DNAH17: variants seen among roughly 807,000 people sequenced by gnomAD.
The protein encoded by DNAH17 is axonemal beta dynein heavy chain 17.
In DNAH17, 376 loss-of-function variants were observed where a neutral mutation model predicts 485.6. The ratio of observed to expected loss-of-function variants is 0.77; its 90% CI spans 0.71 to 0.84. The LOEUF is 0.84. Among genes scored for constraint, DNAH17 ranks in the 40% least tolerant of loss-of-function variants. The pLI is 0.00. For missense variants in DNAH17, 6,370 were observed against 5,839.3 expected (o/e 1.09, Z -2.96); for synonymous variants, 3,031 against 2,405.9 (o/e 1.26, Z -7.60).
chr17:78,528,718 T>C (rs1257661467), intron 22 of DNAH17, among the ~76,000 whole-genome samples: 1 of 151,920 alleles, frequency 6.6e-6, no homozygotes, highest in African/African-American at 2.4e-5. Context: ...ACCCTCTCCA[T>C]CCTCCCACCC....
In DNAH17 at chr17:78,494,352, C is replaced by T. The variant is rs145268938; in HGVS notation, c.6271-179G>A. Among the ~76,000 whole-genome samples the T allele has an allele frequency of 6.0e-3, 886 of 147,620 alleles. 11 individuals are homozygous for T. The highest frequency in any genetic ancestry group is 0.021 in the African/African-American group (829 of 39,204). ...GAGAGTTGACATAGCTCCACCGCGA[C>T]CTCATGCAGGGGGTCGGTTTGCCTG... On this transcript the variant is annotated intron_variant, in intron 40 of 80. Transcript: ENST00000389840.
chr17:78,498,398 A>T (rs533745390), intron 37 of DNAH17, among the ~76,000 whole-genome samples: 8 of 152,062 alleles, frequency 5.3e-5, no homozygotes, highest in Non-Finnish European at 1.0e-4. Flanking sequence ...GTGCTTCTCA[A>T]CCCCCAGCAT....
At position 78,459,999 on chromosome 17, in the gene DNAH17, G is replaced by C; in HGVS notation, c.9438C>G (p.Asn3146Lys). Residue 3146 changes from asparagine to lysine, a missense_variant and splice_region_variant, in exon 60 of 81, where the codon AAC becomes AAG. Coordinates refer to ENST00000389840, the MANE Select transcript of DNAH17 (RefSeq NM_173628.4). ...AQEALDTLNK[N>K]NLTELKSFGS... is the part of the protein sequence containing the mutation. ...CAAAGGACTTCAGCTCTGTCAGGTT[G>C]TTCTGCAAATGACAGACGGGATGGG... 1 of 1,612,692 alleles carries C rather than the reference G, an allele frequency of 6.2e-7. No homozygotes were observed. Among genetic ancestry groups the C allele is most frequent in the Non-Finnish European group, 8.5e-7 (1 of 1,179,896 alleles).
chr17:78,514,760 A>G lies in DNAH17; in HGVS notation c.4113+14T>C. On this transcript the variant is annotated intron_variant, in intron 26 of 80. Coordinates refer to ENST00000389840, the MANE Select transcript of DNAH17 (RefSeq NM_173628.4). ...CCAGGGGCGGTCCCCTCCGCCCACC[A>G]TGGTGCATGGTACCTGGGTGGCCTG... 3 of 1,612,266 alleles carry G rather than the reference A, an allele frequency of 1.9e-6. No individual in the cohort carries two copies. The highest frequency in any genetic ancestry group is 2.5e-6 in the Non-Finnish European group (3 of 1,178,820).
chr17:78,510,353 T>A (rs761855277), intron 27 of DNAH17, 31 bp downstream of exon 27: 1 of 1,608,638 alleles, frequency 6.2e-7, no homozygotes, highest in Non-Finnish European at 8.5e-7. Context: ...TGATCCCACG[T>A]TGCACAGACA....
rs116421478 is a variant in DNAH17 at position 78,555,757 on chromosome 17, G to A, written c.2178+2351C>T. On this transcript the variant is annotated intron_variant, in intron 14 of 80. Coordinates refer to ENST00000389840, the MANE Select transcript of DNAH17 (RefSeq NM_173628.4). ...TTCTGGATGAGATAAGCATTGGAAT[G>A]GGTGGGCTCAGGAAAGCAGATAGCC... Among the ~76,000 whole-genome samples, 911 of 152,278 alleles carry A rather than the reference G, an allele frequency of 6.0e-3. 11 individuals carry two copies. The highest frequency in any genetic ancestry group is 0.021 in the African/African-American group (856 of 41,542).
intron 69 of DNAH17, 115 bp downstream of exon 69, chr17:78,449,299 T>G: frequency 1.8e-6 from 2 of 1,127,434 alleles, no homozygotes; most frequent in Non-Finnish European, 1.3e-6. Flanking sequence ...AATGCGGGTT[T>G]GAAATCACCA....
chr17:78,444,219 C>T (rs980134907), intron 71 of DNAH17, among the ~76,000 whole-genome samples: 11 of 152,206 alleles, frequency 7.2e-5, no homozygotes, highest in Non-Finnish European at 5.9e-5. Flanking sequence ...TGCTTATTCA[C>T]GTCCACACTT....
chr17:78,475,211 G>T, intron 54 of DNAH17, 67 bp downstream of exon 54: 1 of 1,545,382 alleles, frequency 6.5e-7, no homozygotes, highest in Non-Finnish European at 8.8e-7. Context: ...TTGGAAAAGG[G>T]AGTGAAGTTT....
intron 41 of DNAH17, 40 bp downstream of exon 41, chr17:78,493,996 A>G (rs534190923): frequency 1.3e-6 from 2 of 1,588,868 alleles, no homozygotes; most frequent in Non-Finnish European, 1.7e-6. Context: ...CTCCCCCACC[A>G]TGCCGGATCC....
Position 78,475,742 on chromosome 17 carries a change from T to A in DNAH17, c.8246A>T (p.Asp2749Val). 3 of 1,613,886 alleles carry A rather than the reference T, an allele frequency of 1.9e-6. No individual in the cohort carries two copies. The highest frequency in any genetic ancestry group is 2.5e-6 in the Non-Finnish European group (3 of 1,179,830). ...GAGGAGCTTGTTCAGAGGAGCCATGTCGGTTACAGGAACATATTTGGGATC... is the reference window on the plus strand; with the variant it reads ...GAGGAGCTTGTTCAGAGGAGCCATGACGGTTACAGGAACATATTTGGGATC... Reference protein sequence around the residue: ...IGDPKYVPVTDMAPLNKLLVD... With the variant: ...IGDPKYVPVTVMAPLNKLLVD... The change falls in exon 53 of 81, where the codon GAC becomes GTC. Residue 2749 changes from aspartate to valine, a missense_variant. Transcript: ENST00000389840.
At position 78,490,824 on chromosome 17, in the gene DNAH17, C is replaced by A; in HGVS notation, c.6693G>T (p.Glu2231Asp). The A allele has an allele frequency of 6.2e-7, 1 of 1,602,708 alleles. No homozygotes were observed. The highest frequency in any genetic ancestry group is 1.7e-5 in the Admixed American group (1 of 58,426). The change falls in exon 44 of 81, where the codon GAG (glutamate) becomes GAT (aspartate). Residue 2231 changes from glutamate to aspartate, a missense_variant. Coordinates refer to ENST00000389840, the MANE Select transcript of DNAH17 (RefSeq NM_173628.4). ...TCATGGTGCGGTTCAGGGGGATCCG[C>A]TCGTTGCTGGCCAGGGTGAGGACCT... is the stretch of plus-strand genomic sequence containing the variant. ...DNKVLTLASN[E>D]RIPLNRTMRL...
intron 74 of DNAH17, 44 bp downstream of exon 74, chr17:78,437,597 C>A (rs575112556): frequency 6.6e-7 from 1 of 1,504,758 alleles, no homozygotes; most frequent in Non-Finnish European, 9.0e-7. Flanking sequence ...GATGCCAGGC[C>A]GTGGCATGGG....
chr17:78,573,798 C>A (rs2092395118), intron 2 of DNAH17, among the ~76,000 whole-genome samples: 2 of 151,938 alleles, frequency 1.3e-5, no homozygotes, highest in African/African-American at 4.8e-5. Flanking sequence ...CAACTTCAAC[C>A]TCTAGCCTCC....
At chr17:78,572,656 C>CTCTT (rs1242609740) in intron 3 of DNAH17, 45 bp downstream of exon 3, 5 of 1,521,798 alleles carry the variant, frequency 3.3e-6, no homozygotes, top group Non-Finnish European at 4.4e-6. Flanking sequence ...AAGCATGTGC[C>CTCTT]TCTTCCCCAC....
intron 74 of DNAH17, among the ~76,000 whole-genome samples, chr17:78,436,479 G>T (rs1023781832): frequency 3.2e-4 from 49 of 152,236 alleles, no homozygotes; most frequent in Middle Eastern, 3.4e-3. Flanking sequence ...CCACTTGGGA[G>T]ATCAAGTTTG....
rs779100536 is a variant in DNAH17 at position 78,572,690 on chromosome 17, G to A, written c.539+11C>T. 6 of 1,593,216 alleles carry A rather than the reference G, an allele frequency of 3.8e-6. No individual in the cohort carries two copies. In the East Asian group the frequency reaches 1.4e-4, roughly 36 times the overall value. On this transcript the variant is annotated intron_variant, in intron 3 of 80. Coordinates refer to ENST00000389840, the MANE Select transcript of DNAH17 (RefSeq NM_173628.4). ...ACCCAGCGGCAGCCGGAAGCAGCTG[G>A]GCCCACACACCTCTCCATGGACTCC...
rs541651978 is a variant in DNAH17 at position 78,494,229 on chromosome 17, C to T, written c.6271-56G>A. 2.8e-4 allele frequency: 442 copies of T among 1,570,872 alleles called. 4 individuals are homozygous for T. In the South Asian group the frequency reaches 4.1e-3, roughly 15 times the overall value. Reference sequence around the variant, plus strand: ...AACTGAAGCAGCTTTTCTTTCTTCTCGCTGGGAGGCTGGGGGGCTTCCTGC... The same window carrying T: ...AACTGAAGCAGCTTTTCTTTCTTCTTGCTGGGAGGCTGGGGGGCTTCCTGC... On this transcript the variant is annotated intron_variant, in intron 40 of 80. Transcript: ENST00000389840.
intron 17 of DNAH17, among the ~76,000 whole-genome samples, chr17:78,541,634 G>C (rs1413196910): frequency 1.3e-5 from 2 of 152,028 alleles, no homozygotes; most frequent in African/African-American, 2.4e-5. Context: ...TCTCATCACA[G>C]TTGGGGAACA....
Sources: allele counts gnomAD v4.1 joint callset (sites outside exome capture counted in the v4.1 genomes callset), GRCh38; gene constraint gnomAD v4.1.1; transcripts MANE v1.5; gene names NCBI Gene and HGNC (gene_info 2026-07-23, HGNC 2026-07-21).